The following FARS2 variants were observed in gnomAD, a reference collection of about 807,000 sequenced individuals.
The protein encoded by FARS2 is phenylalanine--tRNA ligase, mitochondrial.
FARS2 carries 40 observed loss-of-function variants against 46.4 expected under a neutral mutation model. That is an observed-to-expected ratio of 0.86 (90% CI 0.67 to 1.12). The LOEUF (loss-of-function observed/expected upper bound fraction) is 1.12. FARS2 is among the 50% of genes most tolerant of loss of function. The pLI is 0.00. For synonymous variants in FARS2, 234 were observed against 214.9 expected (o/e 1.09, Z -0.78); for missense variants, 513 against 567.9 (o/e 0.90, Z 0.98).
Position 5,471,585 on chromosome 6 carries a change from T to C in FARS2, c.904+40413T>C, listed in dbSNP as rs553632610. The stretch of plus-strand genomic sequence containing the variant: ...ATTAATCCCTTTTGTTAGATAGCTA[T>C]TCTAGTGGCTCTTTGCTTTTAACCA... On this transcript the variant is annotated intron_variant, in intron 4 of 6. Transcript: ENST00000274680. The surrounding 1 kb of genome is among the most constrained non-coding windows in gnomAD (Gnocchi z 4.1). Among the ~76,000 whole-genome samples the C allele has an allele frequency of 5.9e-5, 9 of 152,364 alleles. No homozygotes were observed. The highest frequency in any genetic ancestry group is 2.6e-4 in the Admixed American group (4 of 15,310).
chr6:5,444,311 A>G (rs1401876443), intron 4 of FARS2, among the ~76,000 whole-genome samples: 4 of 151,952 alleles, frequency 2.6e-5, no homozygotes, highest in African/African-American at 9.7e-5. Context: ...TACTAAAAAT[A>G]CAAAAATTAG....
At chr6:5,531,643 C>G (rs571729874) in intron 4 of FARS2, among the ~76,000 whole-genome samples, 1 of 152,242 alleles carries the variant, frequency 6.6e-6, no homozygotes, top group African/African-American at 2.4e-5. Flanking sequence ...AGGTGAAGCA[C>G]TTTTTGACAG....
At chr6:5,566,873 C>T (rs577175010) in intron 5 of FARS2, among the ~76,000 whole-genome samples, 57 of 152,296 alleles carry the variant, frequency 3.7e-4, no homozygotes, top group African/African-American at 1.3e-3. Context: ...ATGACTTAAC[C>T]GTGAGTGTAC....
At chr6:5,618,681 C>T (rs1775603062) in intron 6 of FARS2, among the ~76,000 whole-genome samples, 1 of 152,158 alleles carries the variant, frequency 6.6e-6, no homozygotes, top group Non-Finnish European at 1.5e-5. Flanking sequence ...AAGAAAATGG[C>T]GTTTTGTTCC....
chr6:5,546,486 G>A (rs1023967112), intron 5 of FARS2, among the ~76,000 whole-genome samples: 31 of 151,486 alleles, frequency 2.0e-4, no homozygotes, highest in Admixed American at 8.6e-4. Flanking sequence ...TCCTGACCTT[G>A]TGATTCGCCC....
intron 5 of FARS2, among the ~76,000 whole-genome samples, chr6:5,551,516 T>C (rs188506714): frequency 6.6e-6 from 1 of 152,240 alleles, no homozygotes; most frequent in South Asian, 2.1e-4. Context: ...ATTCCAAGGC[T>C]AATTCCACAT....
chr6:5,619,395 C>T (rs909386156), intron 6 of FARS2, among the ~76,000 whole-genome samples: 6 of 152,144 alleles, frequency 3.9e-5, no homozygotes, highest in African/African-American at 1.4e-4. Flanking sequence ...CGATTCTGCT[C>T]ATAGACTCAC....
intron 1 of FARS2, among the ~76,000 whole-genome samples, chr6:5,308,554 C>A (rs575942469): frequency 4.6e-5 from 7 of 152,338 alleles, no homozygotes; most frequent in Admixed American, 4.6e-4. Context: ...GGAAGAATGA[C>A]CATGAGCTTG....
At chr6:5,550,614 A>G (rs1365917183) in intron 5 of FARS2, among the ~76,000 whole-genome samples, 2 of 152,094 alleles carry the variant, frequency 1.3e-5, no homozygotes. Flanking sequence ...GAGTTGTTTT[A>G]TTACCCTGGC....
intron 5 of FARS2, among the ~76,000 whole-genome samples, chr6:5,554,705 G>A (rs192657102): frequency 3.9e-5 from 6 of 152,262 alleles, no homozygotes; most frequent in Non-Finnish European, 4.4e-5. Flanking sequence ...TGGATGAGGC[G>A]AGTACTATAA....
At chr6:5,410,581 C>T (rs897128557) in intron 3 of FARS2, among the ~76,000 whole-genome samples, 15 of 152,088 alleles carry the variant, frequency 9.9e-5, no homozygotes, top group Non-Finnish European at 1.5e-4. Context: ...CTTGGTAAAC[C>T]TATCTAGGTG....
chr6:5,613,231 C>G lies in FARS2; in HGVS notation c.1128C>G (p.Tyr376Ter). The G allele has an allele frequency of 6.2e-7, 1 of 1,612,938 alleles. No individual in the cohort carries two copies. Among genetic ancestry groups the G allele is most frequent in the Non-Finnish European group, 8.5e-7 (1 of 1,179,208 alleles). Residue 376 changes from tyrosine (Y) to a stop codon, truncating the protein, a stop_gained, in exon 6 of 7, where the codon TAC becomes TAG. Coordinates refer to ENST00000274680, the MANE Select transcript of FARS2 (RefSeq NM_006567.5). LOFTEE classifies it high-confidence loss of function. ...CATTCTGGTTGCCCTCTGAGAATTA[C>G]GCAGAAAATGATTTCTATGACTTAG... ...DISFWLPSEN[Y>*]AENDFYDLVR...
intron 6 of FARS2, among the ~76,000 whole-genome samples, chr6:5,723,017 C>G (rs1344037884): frequency 6.6e-6 from 1 of 152,134 alleles, no homozygotes; most frequent in African/African-American, 2.4e-5. Context: ...CAGTGATTCC[C>G]TGAGAGAGGG....
Position 5,666,916 on chromosome 6 carries a change from C to A in FARS2, c.1217+53596C>A, listed in dbSNP as rs535059932. On this transcript the variant is annotated intron_variant, in intron 6 of 6. Transcript: ENST00000274680. ...CAAAAGAATGCGATCATGTCCTTTG[C>A]AGAAACATGGACAGAGCTGGAGGAC... Among the ~76,000 whole-genome samples, 9 of 152,274 alleles carry A rather than the reference C, an allele frequency of 5.9e-5. No homozygotes were observed. In the South Asian group the frequency reaches 1.0e-3, roughly 18 times the overall value.
chr6:5,518,754 ATTAC>A (rs1364739428), intron 4 of FARS2, among the ~76,000 whole-genome samples: 3 of 152,256 alleles, frequency 2.0e-5, no homozygotes, highest in Non-Finnish European at 4.4e-5. Flanking sequence ...TTTTTTCATA[ATTAC>A]TTCATAATTT....
chr6:5,256,901 C>T (rs1158958396), upstream of FARS2, among the ~76,000 whole-genome samples: 1 of 152,190 alleles, frequency 6.6e-6, no homozygotes, highest in African/African-American at 2.4e-5. Context: ...ATTCTAGACT[C>T]TGCTTGGATT....
At chr6:5,628,854 G>A (rs555887529) in intron 6 of FARS2, among the ~76,000 whole-genome samples, 2 of 152,316 alleles carry the variant, frequency 1.3e-5, no homozygotes, top group African/African-American at 4.8e-5. Flanking sequence ...CTGGTTTGAT[G>A]TGCACTGCCA....
intron 6 of FARS2, among the ~76,000 whole-genome samples, chr6:5,679,342 G>C (rs1778914969): frequency 6.6e-6 from 1 of 152,056 alleles, no homozygotes. Context: ...AATGTGTCCT[G>C]GGGTCACCAG....
At chr6:5,333,137 A>G (rs775923697) in intron 1 of FARS2, among the ~76,000 whole-genome samples, 4 of 150,356 alleles carry the variant, frequency 2.7e-5, no homozygotes, top group Non-Finnish European at 3.0e-5. Flanking sequence ...TAATGGAGTT[A>G]TGGCAGTGAA....
Sources: gnomAD v4.1 joint callset for allele counts (sites outside exome capture counted in the v4.1 genomes callset) on GRCh38, gnomAD v4.1.1 for gene constraint, Gnocchi (gnomAD v3.1) non-coding constraint, MANE v1.5 for transcripts, NCBI Gene and HGNC (gene_info 2026-07-23, HGNC 2026-07-21) for gene names.